The following CARF variants were observed in gnomAD, a reference collection of about 807,000 sequenced individuals.
CARF encodes the protein calcium responsive transcription factor.
CARF carries 57 observed loss-of-function variants against 82.0 expected under a neutral mutation model. The observed-to-expected ratio is 0.70, with a 90% CI of 0.56 to 0.87. CARF has a LOEUF of 0.87. CARF is among the 40% of genes least tolerant of loss of function. The pLI is 0.00. For synonymous variants in CARF, 268 were observed against 290.1 expected (o/e 0.92, Z 0.77); for missense variants, 771 against 855.8 (o/e 0.90, Z 1.24).
intron 11 of CARF, 112 bp downstream of exon 11, chr2:202,970,174 A>G: frequency 9.8e-7 from 1 of 1,021,268 alleles, no homozygotes; most frequent in South Asian, 1.7e-5. Context: ...TAACGGTTTT[A>G]TAAGGTAGAG....
intron 3 of CARF, among the ~76,000 whole-genome samples, chr2:202,937,994 T>G (rs975196671): frequency 6.6e-6 from 1 of 152,150 alleles, no homozygotes; most frequent in African/African-American, 2.4e-5. Context: ...CATGAAATGT[T>G]TTGATACTGA....
chr2:202,946,041 A>G (rs1309013673), intron 5 of CARF, among the ~76,000 whole-genome samples: 1 of 151,954 alleles, frequency 6.6e-6, no homozygotes, highest in African/African-American at 2.4e-5. Context: ...TGTGGTTTTG[A>G]TTTGCATTTC....
chr2:202,943,611 CACACACACACACACACACAT>C (rs1285191744), intron 5 of CARF, among the ~76,000 whole-genome samples: 13 of 145,088 alleles, frequency 9.0e-5, no homozygotes, highest in Admixed American at 5.7e-4. Flanking sequence ...CACACACACA[CACACACACACACACACACAT>C]ATTAGGCTAA....
At chr2:202,961,523 A>T in intron 9 of CARF, 97 bp downstream of exon 9, 1 of 1,066,682 alleles carries the variant, frequency 9.4e-7, no homozygotes, top group South Asian at 1.4e-5. Context: ...TTATTTTGGT[A>T]GCTGACAATT....
At chr2:202,931,474 A>G (rs1023316840) in intron 3 of CARF, among the ~76,000 whole-genome samples, 6 of 152,174 alleles carry the variant, frequency 3.9e-5, no homozygotes, top group African/African-American at 1.2e-4. Flanking sequence ...TGGTGCCCCA[A>G]TTCCTGCATT....
chr2:202,986,891 T>TATATATATATACAC lies in CARF; in HGVS notation c.*3278_*3279insCACATATATATATA, dbSNP rs2060463254. ...GCGTATATATATATATATATATATA[T>TATATATATATACAC]ATATATATATATATATAGCAACTTG... On this transcript the variant is annotated 3_prime_UTR_variant, in exon 17 of 17. Coordinates refer to ENST00000438828, the MANE Select transcript of CARF (RefSeq NM_024744.17). 1.2e-5 allele frequency: 1 copy of TATATATATATACAC among 82,958 alleles called. No homozygotes were observed. The highest frequency in any genetic ancestry group is 3.1e-5 in the Non-Finnish European group (1 of 32,416). The allele number at this position is 82,958 out of a possible 1,614,324, so 5.1% of individuals were successfully genotyped here.
chr2:202,969,025 C>A (rs561954465), intron 10 of CARF, among the ~76,000 whole-genome samples: 2 of 152,272 alleles, frequency 1.3e-5, no homozygotes, highest in South Asian at 4.1e-4. Flanking sequence ...TGTGGTGGCT[C>A]ACGCCTATAA....
intron 5 of CARF, among the ~76,000 whole-genome samples, chr2:202,946,831 A>C (rs1484898055): frequency 6.6e-6 from 1 of 152,218 alleles, no homozygotes; most frequent in African/African-American, 2.4e-5. Flanking sequence ...GGATATGAAA[A>C]GACACTTTTC....
intron 12 of CARF, 132 bp from the exon 13 acceptor site, chr2:202,974,202 A>T (rs1385751159): frequency 3.4e-6 from 2 of 581,750 alleles, no homozygotes; most frequent in African/African-American, 2.0e-5. Flanking sequence ...AAATAGGAAA[A>T]TATAAATTAC....
chr2:202,975,375 C>T (rs1376138428), intron 13 of CARF, among the ~76,000 whole-genome samples: 5 of 152,118 alleles, frequency 3.3e-5, no homozygotes, highest in African/African-American at 9.6e-5. Context: ...ACCCGGGAGG[C>T]GGAGCTTGCG....
rs753317841 is a variant in CARF, at chr2:202,971,746, A to G, written c.1331+8A>G. ...AGTAAGGAAACAGCTAAGGTACAAT[A>G]GAAGAGCATTGTTCTTTTACATTTT... On this transcript the variant is annotated splice_region_variant and intron_variant, in intron 12 of 16. Transcript: ENST00000438828. 1.6e-5 allele frequency: 25 copies of G among 1,578,874 alleles called. No individual in the cohort carries two copies. In the Middle Eastern group the frequency reaches 5.0e-4, roughly 32 times the overall value.
At chr2:202,959,610 G>A (rs2059212281) in intron 8 of CARF, among the ~76,000 whole-genome samples, 1 of 152,178 alleles carries the variant, frequency 6.6e-6, no homozygotes, top group Admixed American at 6.5e-5. Flanking sequence ...CCTGAGATCA[G>A]GAGTTTGAGA....
At chr2:202,920,345 T>C (rs1036945298) in intron 2 of CARF, among the ~76,000 whole-genome samples, 1 of 151,940 alleles carries the variant, frequency 6.6e-6, no homozygotes. Context: ...TTAGTAGAGA[T>C]GGGGTTTCAC....
chr2:202,941,451 G>A (rs1160235237), intron 3 of CARF, among the ~76,000 whole-genome samples: 1 of 151,906 alleles, frequency 6.6e-6, no homozygotes, highest in Non-Finnish European at 1.5e-5. Context: ...GTCTACACCA[G>A]GATATCTATT....
chr2:202,929,661 A>G (rs1315247063), intron 3 of CARF, among the ~76,000 whole-genome samples: 2 of 152,178 alleles, frequency 1.3e-5, no homozygotes, highest in Admixed American at 1.3e-4. Context: ...TGCTTTGGCT[A>G]GTCAAGGTCT....
At chr2:202,976,004 C>T (rs2060009008) in intron 13 of CARF, among the ~76,000 whole-genome samples, 1 of 151,952 alleles carries the variant, frequency 6.6e-6, no homozygotes, top group Admixed American at 6.6e-5. Flanking sequence ...ATGATCATGC[C>T]GTTGCACTCC....
At chr2:202,939,425 A>G (rs373700351) in intron 3 of CARF, among the ~76,000 whole-genome samples, 2 of 152,304 alleles carry the variant, frequency 1.3e-5, no homozygotes, top group Admixed American at 6.5e-5. Flanking sequence ...TTCAATGCAC[A>G]GTGTGTTTAT....
intron 8 of CARF, among the ~76,000 whole-genome samples, chr2:202,957,325 T>C (rs901032359): frequency 2.0e-5 from 3 of 152,292 alleles, no homozygotes; most frequent in Non-Finnish European, 4.4e-5. Context: ...CCACATTATT[T>C]AGCCACTGTA....
At chr2:202,943,125 G>A (rs748775007) in intron 5 of CARF, among the ~76,000 whole-genome samples, 158 bp downstream of exon 5, 2 of 152,164 alleles carry the variant, frequency 1.3e-5, no homozygotes, top group African/African-American at 2.4e-5. Context: ...AGGCTGGAGT[G>A]CAATGGCACA....
Sources: allele counts gnomAD v4.1 joint callset (sites outside exome capture counted in the v4.1 genomes callset), GRCh38; gene constraint gnomAD v4.1.1; transcripts MANE v1.5; gene names NCBI Gene and HGNC (gene_info 2026-07-23, HGNC 2026-07-21).